Variants in NRG3 observed in about 807,000 individuals in gnomAD.
The protein encoded by NRG3 is neuregulin 3, also known as pro-neuregulin-3, membrane-bound isoform.
Under a neutral mutation model 66.9 loss-of-function variants are expected in NRG3, and 31 were observed. That is an observed-to-expected ratio of 0.46 (90% confidence interval 0.35 to 0.63). The LOEUF is 0.63. NRG3 is among the 20% of genes least tolerant of loss of function. The pLI is 0.00. For missense variants in NRG3, 910 were observed against 878.9 expected (o/e 1.04, Z -0.45); for synonymous variants, 393 against 359.4 (o/e 1.09, Z -1.06).
chr10:82,193,837 A>C (rs973778515), intron 1 of NRG3, among the ~76,000 whole-genome samples: 1 of 152,190 alleles, frequency 6.6e-6, no homozygotes, highest in African/African-American at 2.4e-5. Flanking sequence ...GGGAGTAGTC[A>C]TTACCGTAGA....
chr10:82,326,928 AAAT>A (rs1301793353), intron 1 of NRG3, among the ~76,000 whole-genome samples: 2 of 152,234 alleles, frequency 1.3e-5, no homozygotes, highest in Admixed American at 6.5e-5. Context: ...ATTGTTTAAA[AAAT>A]AAGGTGATCC....
At chr10:82,043,828 C>A (rs2063147294) in intron 1 of NRG3, among the ~76,000 whole-genome samples, 1 of 151,994 alleles carries the variant, frequency 6.6e-6, no homozygotes, top group Admixed American at 6.6e-5. Flanking sequence ...TTACCATAAG[C>A]TAATTGATAT....
intron 2 of NRG3, among the ~76,000 whole-genome samples, chr10:82,454,104 C>A (rs2136623366): frequency 6.6e-6 from 1 of 152,286 alleles, no homozygotes; most frequent in Admixed American, 6.5e-5. Context: ...TCTTTCATAT[C>A]TGTGCCCAGA....
At chr10:82,151,182 G>T (rs2070720288) in intron 1 of NRG3, among the ~76,000 whole-genome samples, 1 of 152,178 alleles carries the variant, frequency 6.6e-6, no homozygotes, top group Admixed American at 6.5e-5. Flanking sequence ...GAGGAAGCTG[G>T]ACTCACACAG....
At chr10:82,644,709 T>C (rs1272685406) in intron 2 of NRG3, among the ~76,000 whole-genome samples, 1 of 152,156 alleles carries the variant, frequency 6.6e-6, no homozygotes, top group Non-Finnish European at 1.5e-5. Flanking sequence ...AATGTGTGTG[T>C]CTATGGACGG....
chr10:82,063,499 G>A (rs2064275753), intron 1 of NRG3, among the ~76,000 whole-genome samples: 1 of 111,704 alleles, frequency 9.0e-6, no homozygotes, highest in East Asian at 2.6e-4. Flanking sequence ...ATTTTTTAGA[G>A]GCAGGAAAAG....
chr10:81,971,886 A>G (rs1004810331), intron 1 of NRG3, among the ~76,000 whole-genome samples: 7 of 152,202 alleles, frequency 4.6e-5, no homozygotes, highest in African/African-American at 1.7e-4. Flanking sequence ...CATGTGATAG[A>G]AGCAATATGT....
At chr10:82,703,927 G>A (rs1031175966) in intron 2 of NRG3, among the ~76,000 whole-genome samples, 13 of 152,054 alleles carry the variant, frequency 8.5e-5, no homozygotes, top group African/African-American at 3.1e-4. Context: ...ATTTATCTGA[G>A]TATCAGATAA....
chr10:82,363,218 A>G (rs2084300817), intron 2 of NRG3, among the ~76,000 whole-genome samples: 1 of 152,334 alleles, frequency 6.6e-6, no homozygotes, highest in South Asian at 2.1e-4. Context: ...ATCTAAAAAG[A>G]AATACAGATA....
intron 4 of NRG3, among the ~76,000 whole-genome samples, chr10:82,895,586 G>A (rs1481141653): frequency 6.7e-6 from 1 of 149,304 alleles, no homozygotes; most frequent in Non-Finnish European, 1.5e-5. Context: ...TGCCTCCCAG[G>A]TTCACGCCAT....
At chr10:82,907,789 G>A (rs879884333) in intron 4 of NRG3, among the ~76,000 whole-genome samples, 3 of 152,110 alleles carry the variant, frequency 2.0e-5, no homozygotes, top group African/African-American at 4.8e-5. Flanking sequence ...TAAATACAAT[G>A]TAAGTAGAAG....
chr10:82,235,120 G>C (rs1327853462), intron 1 of NRG3, among the ~76,000 whole-genome samples: 1 of 152,200 alleles, frequency 6.6e-6, no homozygotes. Flanking sequence ...CTAGGGCAGG[G>C]GTTGGCCAGC....
intron 2 of NRG3, among the ~76,000 whole-genome samples, chr10:82,539,799 AT>A (rs1197733059): frequency 2.0e-5 from 3 of 151,734 alleles, no homozygotes; most frequent in African/African-American, 4.8e-5. Context: ...CGGCCAGCTA[AT>A]TTTTTTGTAT....
At chr10:82,123,523 G>A (rs535897861) in intron 1 of NRG3, among the ~76,000 whole-genome samples, 392 of 152,188 alleles carry the variant, frequency 2.6e-3, no homozygotes, top group Non-Finnish European at 4.0e-3. Context: ...AGCATCTGAC[G>A]GATAACCCTG....
intron 2 of NRG3, among the ~76,000 whole-genome samples, chr10:82,639,842 G>T (rs971936227): frequency 1.3e-5 from 2 of 152,026 alleles, no homozygotes; most frequent in Non-Finnish European, 2.9e-5. Flanking sequence ...GTGTCATGGG[G>T]TTTGTTTTAC....
chr10:82,762,956 G>A (rs1449170403), intron 3 of NRG3, among the ~76,000 whole-genome samples: 1 of 152,156 alleles, frequency 6.6e-6, no homozygotes, highest in Non-Finnish European at 1.5e-5. Context: ...TCTTTAAAAT[G>A]ATGCATCCAA....
chr10:82,598,733 T>C (rs1279406934), intron 2 of NRG3, among the ~76,000 whole-genome samples: 1 of 152,046 alleles, frequency 6.6e-6, no homozygotes, highest in East Asian at 1.9e-4. Flanking sequence ...ATTGGAGTGG[T>C]GAGTATGAAA....
chr10:82,388,545 C>T (rs942284889), intron 2 of NRG3, among the ~76,000 whole-genome samples: 1 of 152,030 alleles, frequency 6.6e-6, no homozygotes, highest in Non-Finnish European at 1.5e-5. Context: ...AATATTTGGA[C>T]TGCTGATACT....
intron 2 of NRG3, among the ~76,000 whole-genome samples, chr10:82,548,202 G>T (rs879399461): frequency 3.9e-5 from 6 of 151,926 alleles, no homozygotes; most frequent in African/African-American, 7.3e-5. Flanking sequence ...TGCCCATTTT[G>T]CTTTGTGAGA....
Sources: gnomAD v4.1 joint callset for allele counts (sites outside exome capture counted in the v4.1 genomes callset) on GRCh38, gnomAD v4.1.1 for gene constraint, MANE v1.5 for transcripts, NCBI Gene and HGNC (gene_info 2026-07-23, HGNC 2026-07-21) for gene names.